Variants in COL12A1 observed in about 807,000 individuals in gnomAD.
COL12A1 encodes collagen type XII alpha 1 chain.
A neutral mutation model predicts 349.7 loss-of-function variants in COL12A1; 114 were observed. The ratio of observed to expected loss-of-function variants is 0.33; its 90% CI spans 0.28 to 0.38. The LOEUF is 0.38. Among genes scored for constraint, COL12A1 ranks in the 10% least tolerant of loss-of-function variants. COL12A1 has a pLI of 1.00. For missense variants in COL12A1, 3,284 were observed against 3,756.9 expected (o/e 0.87, Z 3.29); for synonymous variants, 1,369 against 1,329.0 (o/e 1.03, Z -0.66).
At chr6:75,184,278 G>A (rs79633796) in intron 8 of COL12A1, 134 bp from the exon 9 acceptor site, 52 of 948,030 alleles carry the variant, frequency 5.5e-5, no homozygotes, top group South Asian at 1.4e-4. Flanking sequence ...CCCAATACCC[G>A]CCTCAGTCCC....
At chr6:75,159,652 C>A (rs1767932307) in intron 14 of COL12A1, among the ~76,000 whole-genome samples, 1 of 151,596 alleles carries the variant, frequency 6.6e-6, no homozygotes, top group Admixed American at 6.6e-5. Context: ...ATTTTCTCAT[C>A]TTTTGTTTCA....
intron 35 of COL12A1, 94 bp downstream of exon 35, chr6:75,131,846 G>T: frequency 1.5e-6 from 2 of 1,365,894 alleles, no homozygotes; most frequent in Non-Finnish European, 2.0e-6. Context: ...ACACTGGCAT[G>T]TTTGTGGTTT....
intron 49 of COL12A1, among the ~76,000 whole-genome samples, chr6:75,114,052 A>G (rs998387725): frequency 6.6e-6 from 1 of 151,872 alleles, no homozygotes; most frequent in African/African-American, 2.4e-5. Flanking sequence ...CTTTTATCCT[A>G]CTATTAATAA....
chr6:75,151,091 GC>G, intron 21 of COL12A1, 49 bp downstream of exon 21: 4 of 376,450 alleles, frequency 1.1e-5, no homozygotes, highest in East Asian at 9.3e-5. Flanking sequence ...TAATTATTTG[GC>G]CCAAAATACC....
chr6:75,192,249 TTCA>T lies in COL12A1; in HGVS notation c.294_296del (p.Asp98del). 1.2e-6 allele frequency: 2 copies of T among 1,608,476 alleles called. No homozygotes were observed. On this transcript the variant is annotated inframe_deletion, in exon 4 of 66. Coordinates refer to ENST00000322507, the MANE Select transcript of COL12A1 (RefSeq NM_004370.6). ...CTATAACTGGTACACTTTCTTCTAC[TTCA>T]TCATATGAAGTTATTGTCACCACAT...
rs140443554 is a variant in COL12A1, at chr6:75,175,453, C to T, written c.2438-143G>A. 1.0e-2 allele frequency: 9,409 copies of T among 944,596 alleles called. 69 individuals carry two copies. Among genetic ancestry groups the T allele is most frequent in the Non-Finnish European group, 0.013 (8,342 of 649,964 alleles). 58.5% of individuals were successfully genotyped at this position (944,596 alleles called of 1,614,324 possible). A position where few individuals can be genotyped will look rare whatever the true frequency, so the allele number is the denominator to read the frequency against. On this transcript the variant is annotated intron_variant, in intron 12 of 65. Transcript: ENST00000322507. ...TATGACAATTTTAACTGTTGACCAG[C>T]CAACAAAGCTTAAGCATCTCTGAAT...
chr6:75,191,600 A>G (rs985169515), intron 5 of COL12A1, 101 bp downstream of exon 5: 16 of 648,882 alleles, frequency 2.5e-5, no homozygotes, highest in Non-Finnish European at 3.4e-5. Context: ...ATAAATTAAT[A>G]TAGGAATAAG....
At position 75,115,720 on chromosome 6, in the gene COL12A1, G is replaced by A. The variant is rs545455296; in HGVS notation, c.7697+64C>T. 5.9e-6 allele frequency: 9 copies of A among 1,536,264 alleles called. No homozygotes were observed. The African/African-American group carries it at 1.3e-4, about 21-fold the overall frequency. ...AAAGTCCCAGGATTCTGGGAAGTCAGCAAATATTCCAAGAACTTTTTGCAG... is the reference window on the plus strand; with the variant it reads ...AAAGTCCCAGGATTCTGGGAAGTCAACAAATATTCCAAGAACTTTTTGCAG... On this transcript the variant is annotated intron_variant, in intron 49 of 65. Coordinates refer to ENST00000322507, the MANE Select transcript of COL12A1 (RefSeq NM_004370.6).
rs72876577 is a variant in COL12A1, at chr6:75,166,684, C to T, written c.2711-905G>A. The stretch of plus-strand genomic sequence containing the variant: ...ACAAATCTATCTGCTTCCCAGCATA[C>T]ATTTTACCAGTAATTGTTGTATATT... On this transcript the variant is annotated intron_variant, in intron 13 of 65. Transcript: ENST00000322507. 2.3e-3 allele frequency among the ~76,000 whole-genome samples: 350 copies of T among 152,254 alleles called. 5 individuals carry two copies. Among genetic ancestry groups the T allele is most frequent in the Non-Finnish European group, 2.2e-3 (150 of 67,990 alleles).
In COL12A1 at chr6:75,112,619, T is replaced by C. The variant is rs114598108; in HGVS notation, c.7950+585A>G. Among the ~76,000 whole-genome samples, 915 of 151,890 alleles carry C rather than the reference T, an allele frequency of 6.0e-3. 13 individuals are homozygous for C. The highest frequency in any genetic ancestry group is 0.021 in the African/African-American group (864 of 41,534). On this transcript the variant is annotated intron_variant, in intron 51 of 65. Coordinates refer to ENST00000322507, the MANE Select transcript of COL12A1 (RefSeq NM_004370.6). ...GCATCTTAGAACTTTTAATAAGATT[T>C]TCTAGAGAATTGTGTTTTTAAAGAA...
At position 75,189,582 on chromosome 6, in the gene COL12A1, T is replaced by C; in HGVS notation, c.628A>G (p.Ile210Val). 2 of 1,611,746 alleles carry C rather than the reference T, an allele frequency of 1.2e-6. No individual in the cohort carries two copies. Among genetic ancestry groups the C allele is most frequent in the Non-Finnish European group, 1.7e-6 (2 of 1,178,620 alleles). ...ATTGTGTTGCCACCTTTATATGGAATTTTTTTTATTGCAGCAAGAAGTTCA... is the reference window on the plus strand; with the variant it reads ...ATTGTGTTGCCACCTTTATATGGAACTTTTTTTATTGCAGCAAGAAGTTCA... ...RDELLAAIKK[I>V]PYKGGNTMTG... The change falls in exon 6 of 66, where the codon ATT becomes GTT. Residue 210 changes from isoleucine to valine, a missense_variant. By Grantham distance (29) the Ile-to-Val change is conservative. Transcript: ENST00000322507.
rs1319476966 is a variant in COL12A1 at position 75,086,467 on chromosome 6, TAAG to T, written c.*77_*79del. On this transcript the variant is annotated 3_prime_UTR_variant, in exon 66 of 66. Transcript: ENST00000322507. Reference sequence around the variant, plus strand: ...ATTTCCATACAGACTCATTTCCTAATAAGCACGTGCGCAAACATCTCAGAAACA... The same window carrying T: ...ATTTCCATACAGACTCATTTCCTAATCACGTGCGCAAACATCTCAGAAACA... 1 of 1,313,320 alleles carries T rather than the reference TAAG, an allele frequency of 7.6e-7. No individual in the cohort carries two copies. The highest frequency in any genetic ancestry group is 1.9e-5 in the Admixed American group (1 of 53,778). The allele number at this position is 1,313,320 out of a possible 1,614,324, so 81.4% of individuals were successfully genotyped here.
At chr6:75,096,351 T>C (rs1768022239) in intron 59 of COL12A1, among the ~76,000 whole-genome samples, 1 of 152,216 alleles carries the variant, frequency 6.6e-6, no homozygotes, top group Non-Finnish European at 1.5e-5. Context: ...AAAATTATTT[T>C]AACATATGCT....
chr6:75,174,150 A>C (rs180941770), intron 13 of COL12A1, among the ~76,000 whole-genome samples: 1 of 152,368 alleles, frequency 6.6e-6, no homozygotes, highest in East Asian at 1.9e-4. Flanking sequence ...ACTCTAAAGA[A>C]CCAAGGAAAC....
intron 52 of COL12A1, among the ~76,000 whole-genome samples, chr6:75,108,240 C>T (rs1280804946): frequency 6.6e-6 from 1 of 151,722 alleles, no homozygotes; most frequent in African/African-American, 2.4e-5. Flanking sequence ...CCACCACACT[C>T]AGCTGATTGG....
At chr6:75,138,999 T>C (rs1766763882) in intron 27 of COL12A1, 38 bp from the exon 28 acceptor site, 1 of 1,608,952 alleles carries the variant, frequency 6.2e-7, no homozygotes, top group African/African-American at 1.3e-5. Context: ...AGTTTTTGAA[T>C]GTGAGCTGCA....
chr6:75,119,556 T>C, intron 44 of COL12A1, 83 bp from the exon 45 acceptor site: 6 of 1,500,302 alleles, frequency 4.0e-6, no homozygotes, highest in Non-Finnish European at 5.4e-6. Context: ...AGCTGCGGAA[T>C]AAAGCGGTGG....
Position 75,124,300 on chromosome 6 carries a change from G to A in COL12A1, c.6679C>T (p.His2227Tyr), listed in dbSNP as rs1160291708. 1 of 1,613,610 alleles carries A rather than the reference G, an allele frequency of 6.2e-7. No homozygotes were observed. The highest frequency in any genetic ancestry group is 8.5e-7 in the Non-Finnish European group (1 of 1,179,832). ...AGCCTGTAGGAGGTGGCTGCCCGGT[G>A]AGGTGACCATTTGACACAGAATGTA... ...WDTFCVKWSP[H>Y]RAATSYRLKL... is the part of the protein sequence containing the mutation. The change falls in exon 41 of 66, where the codon CAC (histidine) becomes TAC (tyrosine). Residue 2227 changes from histidine to tyrosine, a missense_variant. Around this residue, in one of 2 missense-constraint regions of COL12A1, gnomAD observed 2,601 missense variants for 2,824.8 expected, o/e 0.92. Transcript: ENST00000322507.
At position 75,091,471 on chromosome 6, in the gene COL12A1, A is replaced by AT. The variant is rs763196298; in HGVS notation, c.8685+18dup. 1.1e-5 allele frequency: 18 copies of AT among 1,613,012 alleles called. No homozygotes were observed. The East Asian group carries it at 1.8e-4, about 16-fold the overall frequency. On this transcript the variant is annotated intron_variant, in intron 61 of 65. Transcript: ENST00000322507. ...GTTTAACACACAAAATAAACGTAAG[A>AT]TTTTTTAAAAATACATACCCTATCA...
Sources: allele counts gnomAD v4.1 joint callset (sites outside exome capture counted in the v4.1 genomes callset), GRCh38; gene constraint gnomAD v4.1.1; regional missense constraint gnomAD v4.1.1; transcripts MANE v1.5; gene names NCBI Gene and HGNC (gene_info 2026-07-23, HGNC 2026-07-21).